The following EMID1 variants were observed in gnomAD, a reference collection of about 807,000 sequenced individuals.
EMID1 encodes EMI domain containing 1, also known as EMI domain-containing protein 1.
In EMID1, 40 loss-of-function variants were observed where a neutral mutation model predicts 60.6. The observed-to-expected ratio is 0.66, with a 90% CI of 0.51 to 0.86. The LOEUF (loss-of-function observed/expected upper bound fraction) is 0.86, where lower values mean the gene tolerates loss of function less well. EMID1 is among the 40% of genes least tolerant of loss of function. EMID1 has a pLI of 0.00. For synonymous variants in EMID1, 242 were observed against 231.0 expected (o/e 1.05, Z -0.43); for missense variants, 585 against 597.1 (o/e 0.98, Z 0.21).
At chr22:29,257,207 G>A (rs981144085) in intron 14 of EMID1, among the ~76,000 whole-genome samples, 2 of 152,168 alleles carry the variant, frequency 1.3e-5, no homozygotes, top group East Asian at 1.9e-4. Context: ...GGGACAGGTC[G>A]GGGGACTGGG....
chr22:29,244,307 C>A (rs2041248378), intron 13 of EMID1, among the ~76,000 whole-genome samples: 1 of 152,052 alleles, frequency 6.6e-6, no homozygotes, highest in African/African-American at 2.4e-5. Context: ...CCTTCACAAT[C>A]GTCCGGGATG....
intron 5 of EMID1, among the ~76,000 whole-genome samples, chr22:29,229,398 C>T (rs575345764): frequency 6.6e-6 from 1 of 152,194 alleles, no homozygotes; most frequent in East Asian, 1.9e-4. Context: ...AATCCCAGCA[C>T]TTTGGGAAGC....
At chr22:29,245,682 T>G (rs2041305973) in intron 13 of EMID1, among the ~76,000 whole-genome samples, 1 of 152,232 alleles carries the variant, frequency 6.6e-6, no homozygotes, top group East Asian at 1.9e-4. Context: ...TAGTGCAGCT[T>G]GCAGATGCGT....
chr22:29,218,136 C>T (rs557735826), intron 3 of EMID1, among the ~76,000 whole-genome samples: 2 of 152,216 alleles, frequency 1.3e-5, no homozygotes, highest in Non-Finnish European at 2.9e-5. Context: ...GTAGATGCTC[C>T]GCAAATGTCT....
At chr22:29,217,100 TG>T (rs2040117749) in intron 3 of EMID1, among the ~76,000 whole-genome samples, 1 of 152,060 alleles carries the variant, frequency 6.6e-6, no homozygotes, top group African/African-American at 2.4e-5. Context: ...CCCCAGGGCA[TG>T]GGGGCCGCCT....
intron 4 of EMID1, among the ~76,000 whole-genome samples, chr22:29,226,170 A>G (rs1428790420): frequency 6.6e-6 from 1 of 152,058 alleles, no homozygotes; most frequent in Non-Finnish European, 1.5e-5. Flanking sequence ...AGCCTCATCC[A>G]TGGCCCCCGC....
chr22:29,240,028 G>C (rs1457488304), intron 12 of EMID1, among the ~76,000 whole-genome samples: 1 of 152,108 alleles, frequency 6.6e-6, no homozygotes, highest in Non-Finnish European at 1.5e-5. Context: ...GGCCAGGCTG[G>C]TCTTGAACTC....
chr22:29,223,398 G>A (rs769467240), intron 3 of EMID1, among the ~76,000 whole-genome samples: 3 of 152,226 alleles, frequency 2.0e-5, no homozygotes, highest in African/African-American at 2.4e-5. Context: ...AGAGATGGCC[G>A]CTTCTTTTGG....
At chr22:29,218,872 G>A (rs1181310338) in intron 3 of EMID1, among the ~76,000 whole-genome samples, 1 of 152,124 alleles carries the variant, frequency 6.6e-6, no homozygotes, top group Non-Finnish European at 1.5e-5. Context: ...GAGGGCGTGG[G>A]TCTCACATAA....
intron 12 of EMID1, among the ~76,000 whole-genome samples, chr22:29,242,952 G>T (rs1467552751): frequency 6.6e-6 from 1 of 152,028 alleles, no homozygotes; most frequent in South Asian, 2.1e-4. Context: ...TCCCCCTCTG[G>T]GCTCCTTGGA....
chr22:29,215,564 T>C lies in EMID1; in HGVS notation c.253T>C (p.Tyr85His), dbSNP rs767342745. 1.2e-6 allele frequency: 2 copies of C among 1,614,112 alleles called. No homozygotes were observed. Among genetic ancestry groups the C allele is most frequent in the South Asian group, 2.2e-5 (2 of 91,088 alleles). The change falls in exon 3 of 15, where the codon TAC becomes CAC. Residue 85 changes from tyrosine (Y) to histidine (H), a missense_variant. Coordinates refer to ENST00000334018, the MANE Select transcript of EMID1 (RefSeq NM_133455.4). ...TVVRPTYKVM[Y>H]KIVTAREWRC... is the part of the protein sequence containing the mutation. The stretch of plus-strand genomic sequence containing the variant: ...GGTGAGACCCACATACAAGGTGATG[T>C]ACAAGATAGTGACCGCCCGTGAGTG...
chr22:29,224,620 G>C (rs1165804496), intron 3 of EMID1, among the ~76,000 whole-genome samples: 1 of 152,258 alleles, frequency 6.6e-6, no homozygotes, highest in Non-Finnish European at 1.5e-5. Flanking sequence ...CAAGAGTGTG[G>C]ATGGCGACAG....
intron 3 of EMID1, chr22:29,216,305 C>T (rs1393739821): frequency 1.0e-6 from 1 of 985,336 alleles, no homozygotes; most frequent in East Asian, 1.1e-4. Flanking sequence ...CCCTGCAGAA[C>T]CCTCTCCTCT....
chr22:29,216,933 G>A (rs898078418), intron 3 of EMID1, among the ~76,000 whole-genome samples: 11 of 152,364 alleles, frequency 7.2e-5, no homozygotes, highest in Admixed American at 2.6e-4. Context: ...AGGCTGGAGC[G>A]GGTGGACAGA....
chr22:29,216,668 C>A (rs1241459768), intron 3 of EMID1: 15 of 985,150 alleles, frequency 1.5e-5, no homozygotes, highest in Non-Finnish European at 1.8e-5. Context: ...ACTTCACCTC[C>A]CGGGGACCCT....
Position 29,215,587 on chromosome 22 carries a change from G to A in EMID1, c.276G>A (p.Glu92=). Residue 92 remains glutamate (E), a synonymous_variant, in exon 3 of 15, where the codon GAG becomes GAA. Transcript: ENST00000334018. ...KVMYKIVTAR[E]WRCCPGHSGV... Reference sequence around the variant, plus strand: ...TGTACAAGATAGTGACCGCCCGTGAGTGGAGGTGCTGCCCTGGGCACTCAG... The same window carrying A: ...TGTACAAGATAGTGACCGCCCGTGAATGGAGGTGCTGCCCTGGGCACTCAG... 1 of 1,614,162 alleles carries A rather than the reference G, an allele frequency of 6.2e-7. No individual in the cohort carries two copies. Among genetic ancestry groups the A allele is most frequent in the Non-Finnish European group, 8.5e-7 (1 of 1,180,002 alleles).
At position 29,232,246 on chromosome 22, in the gene EMID1, T is replaced by G. The variant is rs1479216521; in HGVS notation, c.677-10T>G. On this transcript the variant is annotated splice_polypyrimidine_tract_variant and intron_variant, in intron 7 of 14. Coordinates refer to ENST00000334018, the MANE Select transcript of EMID1 (RefSeq NM_133455.4). Reference sequence around the variant, plus strand: ...CTGTATACCCACAAATCCGTGTGATTCCATTGCAGGTCCACAGGGCCCCCC... The same window carrying G: ...CTGTATACCCACAAATCCGTGTGATGCCATTGCAGGTCCACAGGGCCCCCC... 1.2e-6 allele frequency: 2 copies of G among 1,611,390 alleles called. No individual in the cohort carries two copies. The highest frequency in any genetic ancestry group is 1.9e-4 in the Middle Eastern group (1 of 5,182).
rs1411178754 is a variant in EMID1, at chr22:29,206,217, G to A, written c.101+78G>A. On this transcript the variant is annotated intron_variant, in intron 1 of 14. Coordinates refer to ENST00000334018, the MANE Select transcript of EMID1 (RefSeq NM_133455.4). ...CACGCCCCCACCTCCAGGAAGGGCTGGGATTGGAGGGCGATCCAGTCCCCA... is the reference window on the plus strand; with the variant it reads ...CACGCCCCCACCTCCAGGAAGGGCTAGGATTGGAGGGCGATCCAGTCCCCA... 4.6e-6 allele frequency: 5 copies of A among 1,088,346 alleles called. No homozygotes were observed. The African/African-American group carries it at 4.9e-5, about 11-fold the overall frequency. The allele number at this position is 1,088,346 out of a possible 1,614,324, so 67.4% of individuals were successfully genotyped here. A position where few individuals can be genotyped will look rare whatever the true frequency, so the allele number is the denominator to read the frequency against.
chr22:29,221,116 T>C (rs970780481), intron 3 of EMID1, among the ~76,000 whole-genome samples: 4 of 99,992 alleles, frequency 4.0e-5, no homozygotes, highest in Non-Finnish European at 8.1e-5. Flanking sequence ...TGTGTGTGTG[T>C]GTGTGTGTAG....
Sources: allele counts gnomAD v4.1 joint callset (sites outside exome capture counted in the v4.1 genomes callset), GRCh38; gene constraint gnomAD v4.1.1; transcripts MANE v1.5; gene names NCBI Gene and HGNC (gene_info 2026-07-23, HGNC 2026-07-21).